The following WWOX variants were observed in gnomAD, a reference collection of about 807,000 sequenced individuals.
The protein encoded by WWOX is WW domain-containing oxidoreductase.
In WWOX, 69 loss-of-function variants were observed where a neutral mutation model predicts 46.2. The ratio of observed to expected loss-of-function variants is 1.49; its 90% CI spans 1.23 to 1.82. The LOEUF is 1.82. Ranked by LOEUF, WWOX falls within the 40% of genes most tolerant of loss-of-function variation. The probability of loss-of-function intolerance (pLI) is 0.00; values close to 1 mark genes in which losing one functional copy is unlikely to be tolerated. For synonymous variants in WWOX, 359 were observed against 202.6 expected (o/e 1.77, Z -6.56); for missense variants, 919 against 542.6 (o/e 1.69, Z -6.89).
chr16:79,160,348 G>A (rs948554467), intron 8 of WWOX, among the ~76,000 whole-genome samples: 1 of 152,114 alleles, frequency 6.6e-6, no homozygotes, highest in East Asian at 1.9e-4. Flanking sequence ...GCGGGAGGTG[G>A]AGGGTTGCTA....
At chr16:78,366,646 C>A (rs1249735568) in intron 5 of WWOX, among the ~76,000 whole-genome samples, 1 of 152,186 alleles carries the variant, frequency 6.6e-6, no homozygotes, top group African/African-American at 2.4e-5. Context: ...ATTTATATCT[C>A]GTCTGTTGCC....
intron 6 of WWOX, among the ~76,000 whole-genome samples, chr16:78,387,685 G>C (rs895719977): frequency 6.6e-6 from 1 of 152,032 alleles, no homozygotes; most frequent in African/African-American, 2.4e-5. Context: ...ACAATACTTT[G>C]TTTCCAAGTG....
chr16:78,428,373 G>C (rs1468336812), intron 7 of WWOX, among the ~76,000 whole-genome samples: 2 of 152,172 alleles, frequency 1.3e-5, no homozygotes, highest in African/African-American at 4.8e-5. Context: ...GCCCACCCTT[G>C]CCACTTCCTG....
chr16:78,968,026 T>C (rs750453559), intron 8 of WWOX, among the ~76,000 whole-genome samples: 15 of 152,252 alleles, frequency 9.9e-5, no homozygotes, highest in Non-Finnish European at 1.5e-4. Flanking sequence ...TAATCTACCA[T>C]TCCTTGTGGC....
chr16:78,940,843 G>A (rs1415606724), intron 8 of WWOX, among the ~76,000 whole-genome samples: 1 of 151,816 alleles, frequency 6.6e-6, no homozygotes, highest in Non-Finnish European at 1.5e-5. Flanking sequence ...CCGGTGTAAT[G>A]TACAGCTTCA....
chr16:78,667,513 T>A (rs939152949), intron 8 of WWOX, among the ~76,000 whole-genome samples: 1 of 151,018 alleles, frequency 6.6e-6, no homozygotes, highest in Non-Finnish European at 1.5e-5. Context: ...TACTAAAAAG[T>A]ACAAAAAATT....
intron 8 of WWOX, among the ~76,000 whole-genome samples, chr16:78,877,509 T>C (rs1467563227): frequency 1.3e-5 from 2 of 152,228 alleles, no homozygotes; most frequent in Admixed American, 1.3e-4. Context: ...CACCACTCAC[T>C]ATAAAATGGC....
intron 8 of WWOX, among the ~76,000 whole-genome samples, chr16:78,710,505 TAA>T (rs1567507602): frequency 8.6e-5 from 12 of 140,026 alleles, no homozygotes; most frequent in Non-Finnish European, 1.4e-4. Flanking sequence ...TATATTTATA[TAA>T]ATATATTTTA....
intron 8 of WWOX, among the ~76,000 whole-genome samples, chr16:79,210,995 GTGT>G (rs1488212263): frequency 6.6e-6 from 1 of 151,008 alleles, no homozygotes; most frequent in Non-Finnish European, 1.5e-5. Context: ...ATGAATTAAT[GTGT>G]TATGTGTTTG....
At chr16:78,730,512 C>G (rs2048943650) in intron 8 of WWOX, among the ~76,000 whole-genome samples, 1 of 151,966 alleles carries the variant, frequency 6.6e-6, no homozygotes, top group East Asian at 1.9e-4. Context: ...AGTGCGATGG[C>G]ACCATCTGAG....
At chr16:78,933,866 G>A (rs1030794038) in intron 8 of WWOX, among the ~76,000 whole-genome samples, 2 of 152,048 alleles carry the variant, frequency 1.3e-5, no homozygotes, top group South Asian at 4.1e-4. Context: ...TTCAACATGA[G>A]ATTTGGGTGG....
intron 4 of WWOX, among the ~76,000 whole-genome samples, chr16:78,139,169 G>T (rs571984549): frequency 2.0e-4 from 31 of 152,284 alleles, no homozygotes; most frequent in African/African-American, 7.5e-4. Context: ...TAGAAGAAAA[G>T]ATTTATGTAA....
intron 7 of WWOX, among the ~76,000 whole-genome samples, chr16:78,428,808 A>G (rs1283582156): frequency 1.3e-5 from 2 of 152,210 alleles, no homozygotes; most frequent in African/African-American, 4.8e-5. Context: ...AGGAGTTGAG[A>G]TTAGCATGGG....
intron 5 of WWOX, among the ~76,000 whole-genome samples, chr16:78,332,375 G>A (rs1233679173): frequency 6.6e-6 from 1 of 152,152 alleles, no homozygotes; most frequent in Non-Finnish European, 1.5e-5. Context: ...CCAAGAATGG[G>A]TATTTCCTCT....
chr16:78,515,641 C>T (rs904850866), intron 8 of WWOX, among the ~76,000 whole-genome samples: 21 of 152,288 alleles, frequency 1.4e-4, no homozygotes, highest in Admixed American at 4.6e-4. Context: ...GGAAAGCTTC[C>T]GTCAGCTTTC....
chr16:78,913,634 C>A (rs779385951), intron 8 of WWOX, among the ~76,000 whole-genome samples: 1 of 148,198 alleles, frequency 6.7e-6, no homozygotes, highest in African/African-American at 2.4e-5. Context: ...ATTACCCCAA[C>A]CAATACCTGT....
chr16:78,189,799 C>T (rs2035824734), intron 5 of WWOX, among the ~76,000 whole-genome samples: 1 of 152,076 alleles, frequency 6.6e-6, no homozygotes, highest in Non-Finnish European at 1.5e-5. Flanking sequence ...GGATTACAGG[C>T]ACCTGCCACC....
intron 8 of WWOX, among the ~76,000 whole-genome samples, chr16:78,734,557 A>C (rs1437460720): frequency 6.6e-6 from 1 of 152,162 alleles, no homozygotes; most frequent in Non-Finnish European, 1.5e-5. Flanking sequence ...ACTTGAGAGC[A>C]GAGCTGGTTT....
intron 8 of WWOX, among the ~76,000 whole-genome samples, chr16:79,012,608 A>T (rs558068719): frequency 3.3e-5 from 5 of 152,288 alleles, no homozygotes; most frequent in African/African-American, 1.2e-4. Flanking sequence ...TACTCTAATG[A>T]GTGGTGCAGC....
Sources: allele counts gnomAD v4.1 joint callset (sites outside exome capture counted in the v4.1 genomes callset), GRCh38; gene constraint gnomAD v4.1.1; transcripts MANE v1.5; gene names NCBI Gene and HGNC (gene_info 2026-07-23, HGNC 2026-07-21).